The following CHD7 variants were observed in gnomAD, a reference collection of about 807,000 sequenced individuals.
CHD7 encodes the protein ATP-dependent chromatin remodeler CHD7.
In CHD7, 24 loss-of-function variants were observed where a neutral mutation model predicts 307.3. The ratio of observed to expected loss-of-function variants is 0.08; its 90% CI spans 0.06 to 0.11. The LOEUF is 0.11. CHD7 is among the 10% of genes least tolerant of loss of function. The pLI is 1.00. For missense variants in CHD7, 3,106 were observed against 3,727.1 expected (o/e 0.83, Z 4.34); for synonymous variants, 1,363 against 1,349.9 (o/e 1.01, Z -0.21).
intron 7 of CHD7, among the ~76,000 whole-genome samples, chr8:60,809,138 T>C (rs1057401071): frequency 6.6e-6 from 1 of 152,222 alleles, no homozygotes; most frequent in Non-Finnish European, 1.5e-5. Flanking sequence ...ATGGGTTTTC[T>C]GTCATTCTCT....
chr8:60,850,577 C>T lies in CHD7; in HGVS notation c.5489C>T (p.Ala1830Val). 1 of 1,613,268 alleles carries T rather than the reference C, an allele frequency of 6.2e-7. No homozygotes were observed. The highest frequency in any genetic ancestry group is 1.1e-5 in the South Asian group (1 of 90,910). Reference sequence around the variant, plus strand: ...GGTATGCCTGATGCCAAGGCCATAGCTGCCGAGCAAAGAGGAACAGACATG... The same window carrying T: ...GGTATGCCTGATGCCAAGGCCATAGTTGCCGAGCAAAGAGGAACAGACATG... ...RVGMPDAKAI[A>V]AEQRGTDMLA... Residue 1830 changes from alanine (A) to valine (V), a missense_variant, in exon 26 of 38, where the codon GCT becomes GTT. By Grantham distance (64) the Ala-to-Val change is moderately conservative. Around this residue, in one of 10 missense-constraint regions of CHD7, gnomAD observed 1,030 missense variants for 1,165.4 expected, o/e 0.88. Transcript: ENST00000423902.
At chr8:60,685,788 C>T (rs1447815455) in intron 1 of CHD7, among the ~76,000 whole-genome samples, 1 of 152,108 alleles carries the variant, frequency 6.6e-6, no homozygotes, top group East Asian at 1.9e-4. Context: ...GGCAGATGAG[C>T]GATGCTGTTA....
At chr8:60,850,449 C>G (rs1215919062) in intron 25 of CHD7, 44 bp from the exon 26 acceptor site, 3 of 1,570,790 alleles carry the variant, frequency 1.9e-6, no homozygotes, top group East Asian at 4.6e-5. Flanking sequence ...TGGGGCCTTT[C>G]TTTGTTTCTG....
intron 6 of CHD7, among the ~76,000 whole-genome samples, chr8:60,807,034 G>GAA (rs1447596845): frequency 6.6e-6 from 1 of 151,664 alleles, no homozygotes; most frequent in African/African-American, 2.4e-5. Flanking sequence ...AGAAAAGAAA[G>GAA]AAAAAAAATT....
At chr8:60,798,755 C>T (rs1332962172) in intron 4 of CHD7, among the ~76,000 whole-genome samples, 1 of 152,162 alleles carries the variant, frequency 6.6e-6, no homozygotes, top group Non-Finnish European at 1.5e-5. Context: ...GCTTTGCAAA[C>T]TCATTCCATA....
chr8:60,832,386 A>G (rs142606704), intron 15 of CHD7, among the ~76,000 whole-genome samples: 147 of 152,252 alleles, frequency 9.7e-4, no homozygotes, highest in Non-Finnish European at 1.1e-3. Context: ...TGTGATGATT[A>G]TGTATCTGAT....
chr8:60,826,873 A>G (rs947360257), intron 13 of CHD7, among the ~76,000 whole-genome samples: 1 of 152,224 alleles, frequency 6.6e-6, no homozygotes, highest in African/African-American at 2.4e-5. Flanking sequence ...AATGGACATC[A>G]CTTCATCAGA....
intron 9 of CHD7, 136 bp from the exon 10 acceptor site, chr8:60,821,654 A>G: frequency 1.6e-6 from 1 of 618,262 alleles, no homozygotes; most frequent in South Asian, 3.2e-5. Context: ...ATATATATAC[A>G]CATACATATA....
At chr8:60,793,951 C>T (rs950001176) in intron 3 of CHD7, among the ~76,000 whole-genome samples, 9 of 151,962 alleles carry the variant, frequency 5.9e-5, no homozygotes, top group Non-Finnish European at 1.2e-4. Context: ...GGTGAAAGCC[C>T]GTCTCTACTA....
At chr8:60,785,018 T>A (rs1811430643) in intron 3 of CHD7, among the ~76,000 whole-genome samples, 1 of 152,212 alleles carries the variant, frequency 6.6e-6, no homozygotes, top group Non-Finnish European at 1.5e-5. Context: ...CGAAAACATT[T>A]GTGGGTTGGA....
At chr8:60,830,097 C>G (rs1378485010) in intron 14 of CHD7, among the ~76,000 whole-genome samples, 5 of 152,186 alleles carry the variant, frequency 3.3e-5, no homozygotes, top group African/African-American at 1.2e-4. Context: ...TCTGGCTGTT[C>G]AGGGCTCCTG....
At chr8:60,679,334 C>T (rs1455008474) in intron 1 of CHD7, among the ~76,000 whole-genome samples, 19 of 146,506 alleles carry the variant, frequency 1.3e-4, no homozygotes, top group Non-Finnish European at 2.6e-4. Flanking sequence ...CGCCCGGCGC[C>T]CCAACTTTTG....
chr8:60,855,177 C>T (rs1193905327), intron 32 of CHD7: 5 of 152,176 alleles, frequency 3.3e-5, no homozygotes, highest in East Asian at 1.9e-4. Context: ...CCCCCAGGCT[C>T]GTCTTTCCCA....
At chr8:60,843,387 A>C (rs541354828) in intron 21 of CHD7, among the ~76,000 whole-genome samples, 1 of 152,310 alleles carries the variant, frequency 6.6e-6, no homozygotes, top group East Asian at 1.9e-4. Context: ...TCTGTGGGTA[A>C]CTTTAGGAAT....
At chr8:60,847,776 C>T (rs1805279034) in intron 23 of CHD7, among the ~76,000 whole-genome samples, 2 of 152,048 alleles carry the variant, frequency 1.3e-5, no homozygotes, top group South Asian at 2.1e-4. Context: ...TTTAAAAAAT[C>T]GATTTCTTGA....
chr8:60,683,073 A>G (rs920376338), intron 1 of CHD7, among the ~76,000 whole-genome samples: 1 of 152,194 alleles, frequency 6.6e-6, no homozygotes, highest in Non-Finnish European at 1.5e-5. Context: ...ATGTGGGCAT[A>G]TTTGTGTATC....
At chr8:60,691,326 C>T (rs910559049) in intron 1 of CHD7, among the ~76,000 whole-genome samples, 2 of 152,126 alleles carry the variant, frequency 1.3e-5, no homozygotes, top group African/African-American at 4.8e-5. Context: ...CTTCAGCCTG[C>T]TATTGATCTA....
At position 60,781,244 on chromosome 8, in the gene CHD7, C is replaced by T; in HGVS notation, c.1910C>T (p.Ser637Phe). Residue 637 changes from serine to phenylalanine, a missense_variant, in exon 3 of 38, where the codon TCC (serine) becomes TTC (phenylalanine). Physicochemically the swap from Ser to Phe is radical, Grantham distance 155. Around this residue, in one of 10 missense-constraint regions of CHD7, gnomAD observed 998 missense variants for 1,004.5 expected, o/e 0.99. Coordinates refer to ENST00000423902, the MANE Select transcript of CHD7 (RefSeq NM_017780.4). ...QELNRNSLDG[S>F]QEEKKKKKRS... ...CTAAATAGGAACTCACTGGATGGGTCCCAAGAAGAAAAAAAGAAAAAGAAA... is the reference window on the plus strand; with the variant it reads ...CTAAATAGGAACTCACTGGATGGGTTCCAAGAAGAAAAAAAGAAAAAGAAA... The T allele has an allele frequency of 6.3e-7, 1 of 1,576,968 alleles. No homozygotes were observed. The highest frequency in any genetic ancestry group is 8.6e-7 in the Non-Finnish European group (1 of 1,161,090).
chr8:60,852,123 T>C lies in CHD7; in HGVS notation c.5770T>C (p.Tyr1924His), dbSNP rs1805479728. 4 of 1,613,938 alleles carry C rather than the reference T, an allele frequency of 2.5e-6. No individual in the cohort carries two copies. Among genetic ancestry groups the C allele is most frequent in the Non-Finnish European group, 3.4e-6 (4 of 1,179,880 alleles). The change falls in exon 29 of 38, where the codon TAT becomes CAT. Residue 1924 changes from tyrosine (Y) to histidine (H), a missense_variant. Tyr to His is a moderately conservative substitution (Grantham distance 83). This residue lies in a region of CHD7 where 1,030 missense variants were observed against 1,165.4 expected (regional missense o/e 0.88). Transcript: ENST00000423902. ...GCTCATTACTGCCTATCAGCGCAGC[T>C]ATAAAAGGCAACAGATGAGGCAAGA... Reference protein sequence around the residue: ...RRLITAYQRSYKRQQMRQEAL... With the variant: ...RRLITAYQRSHKRQQMRQEAL...
Sources: allele counts gnomAD v4.1 joint callset (sites outside exome capture counted in the v4.1 genomes callset), GRCh38; gene constraint gnomAD v4.1.1; regional missense constraint gnomAD v4.1.1; transcripts MANE v1.5; gene names NCBI Gene and HGNC (gene_info 2026-07-23, HGNC 2026-07-21).